Variants in ACTR3 observed in about 807,000 individuals in gnomAD.
The protein encoded by ACTR3 is actin-related protein 3.
ACTR3 carries 12 observed loss-of-function variants against 56.8 expected under a neutral mutation model. The observed-to-expected ratio is 0.21, with a 90% CI of 0.14 to 0.34. The LOEUF (loss-of-function observed/expected upper bound fraction) is 0.34, where lower values mean the gene tolerates loss of function less well. ACTR3 is among the 10% of genes least tolerant of loss of function. The probability of loss-of-function intolerance (pLI) is 1.00; values close to 1 mark genes in which losing one functional copy is unlikely to be tolerated. For missense variants in ACTR3, 282 were observed against 512.5 expected, an observed-to-expected ratio of 0.55 and a Z score of 4.34; for synonymous variants, 162 against 167.4, an observed-to-expected ratio of 0.97 and a Z score of 0.25.
At chr2:113,902,532 C>A (rs1257405694) in intron 1 of ACTR3, among the ~76,000 whole-genome samples, 2 of 151,890 alleles carry the variant, frequency 1.3e-5, no homozygotes, top group Non-Finnish European at 2.9e-5. Flanking sequence ...TTCATTACTG[C>A]CATAGTAAGA....
intron 1 of ACTR3, among the ~76,000 whole-genome samples, chr2:113,910,249 A>G (rs959180126): frequency 4.0e-5 from 6 of 150,634 alleles, no homozygotes; most frequent in Non-Finnish European, 7.4e-5. Flanking sequence ...TAAAAACCCA[A>G]AGGACAGAGT....
rs1257196170 is a variant in ACTR3 at position 113,959,487 on chromosome 2, A to T, written c.*2032A>T. ...TTTGATGACAATCTCAGGCATATTTATACAGAGATGTTCTTAACTGTTTGC... is the reference window on the plus strand; with the variant it reads ...TTTGATGACAATCTCAGGCATATTTTTACAGAGATGTTCTTAACTGTTTGC... On this transcript the variant is annotated 3_prime_UTR_variant, in exon 12 of 12. Coordinates refer to ENST00000263238, the MANE Select transcript of ACTR3 (RefSeq NM_005721.5). 1 of 152,080 alleles carries T rather than the reference A, an allele frequency of 6.6e-6. No homozygotes were observed. Among genetic ancestry groups the T allele is most frequent in the African/African-American group, 2.4e-5 (1 of 41,438 alleles). The allele number at this position is 152,080 out of a possible 1,614,324, so 9.4% of individuals were successfully genotyped here.
At chr2:113,907,367 C>T (rs1679215206) in intron 1 of ACTR3, among the ~76,000 whole-genome samples, 1 of 152,164 alleles carries the variant, frequency 6.6e-6, no homozygotes. Context: ...AGTCATCCTC[C>T]CTGCCTCCCA....
chr2:113,890,671 C>T (rs1412947365), intron 1 of ACTR3: 3 of 1,179,282 alleles, frequency 2.5e-6, no homozygotes, highest in African/African-American at 3.2e-5. Context: ...CCCGACCCAT[C>T]CGGCTTTCCT....
chr2:113,949,007 AGTAT>A (rs1680070944), intron 8 of ACTR3, among the ~76,000 whole-genome samples: 1 of 68,870 alleles, frequency 1.5e-5, no homozygotes, highest in Non-Finnish European at 2.4e-5. Context: ...ATTTTGTATT[AGTAT>A]GTGTCACTTT....
chr2:113,894,638 T>C (rs1000960036), intron 1 of ACTR3, among the ~76,000 whole-genome samples: 4 of 152,234 alleles, frequency 2.6e-5, no homozygotes, highest in Non-Finnish European at 5.9e-5. Context: ...AAATACTATA[T>C]TGCGGTGAAC....
chr2:113,891,032 T>G (rs1678884213), intron 1 of ACTR3, among the ~76,000 whole-genome samples: 1 of 152,204 alleles, frequency 6.6e-6, no homozygotes, highest in South Asian at 2.1e-4. Context: ...GCAAGCGCGC[T>G]GCAACTTCCT....
intron 3 of ACTR3, among the ~76,000 whole-genome samples, chr2:113,919,222 A>T (rs1052937189): frequency 6.6e-6 from 1 of 152,176 alleles, no homozygotes; most frequent in Non-Finnish European, 1.5e-5. Flanking sequence ...TCTTTATCTG[A>T]TATCTAGTCA....
chr2:113,953,415 A>C (rs1680154631), intron 10 of ACTR3: 1 of 152,140 alleles, frequency 6.6e-6, no homozygotes, highest in South Asian at 2.1e-4. Flanking sequence ...ATTTCCTTTG[A>C]ACATCATGTT....
In ACTR3 at chr2:113,957,523, T is replaced by A; in HGVS notation, c.*68T>A. 7.7e-7 allele frequency: 1 copy of A among 1,301,960 alleles called. No individual in the cohort carries two copies. The highest frequency in any genetic ancestry group is 1.2e-5 in the South Asian group (1 of 84,004). The allele number at this position is 1,301,960 out of a possible 1,614,324, so 80.7% of individuals were successfully genotyped here. A position where few individuals can be genotyped will look rare whatever the true frequency, so the allele number is the denominator to read the frequency against. ...ATAATCTTTCTGATTACCTGTTTTG[T>A]CTGGATGGCTGGTTTTGAGGTTTTA... On this transcript the variant is annotated 3_prime_UTR_variant, in exon 12 of 12. Transcript: ENST00000263238.
chr2:113,900,117 C>G (rs1189979645), intron 1 of ACTR3, among the ~76,000 whole-genome samples: 1 of 151,772 alleles, frequency 6.6e-6, no homozygotes, highest in Non-Finnish European at 1.5e-5. Flanking sequence ...AAAGTTTACT[C>G]TTTTAAAGTG....
intron 2 of ACTR3, among the ~76,000 whole-genome samples, chr2:113,914,302 T>C (rs1679362389): frequency 6.6e-6 from 1 of 152,134 alleles, no homozygotes; most frequent in Admixed American, 6.5e-5. Flanking sequence ...CAAAATTAAG[T>C]GTGTGGCATT....
chr2:113,940,819 G>GT (rs1679911441), intron 7 of ACTR3, among the ~76,000 whole-genome samples: 2 of 134,636 alleles, frequency 1.5e-5, no homozygotes, highest in African/African-American at 3.0e-5. Context: ...TATTTTTATT[G>GT]ATTTTTTTTT....
intron 10 of ACTR3, 103 bp downstream of exon 10, chr2:113,951,948 C>G: frequency 1.4e-6 from 2 of 1,419,910 alleles, no homozygotes; most frequent in Non-Finnish European, 1.9e-6. Context: ...ATAAGAGGAA[C>G]CTGTCAGGTA....
At position 113,959,122 on chromosome 2, in the gene ACTR3, T is replaced by C. The variant is rs1680277313; in HGVS notation, c.*1667T>C. 6.6e-6 allele frequency: 1 copy of C among 151,746 alleles called. No individual in the cohort carries two copies. The highest frequency in any genetic ancestry group is 2.4e-5 in the African/African-American group (1 of 41,348). 9.4% of individuals were successfully genotyped at this position (151,746 alleles called of 1,614,324 possible). A position where few individuals can be genotyped will look rare whatever the true frequency, so the allele number is the denominator to read the frequency against. On this transcript the variant is annotated 3_prime_UTR_variant, in exon 12 of 12. Coordinates refer to ENST00000263238, the MANE Select transcript of ACTR3 (RefSeq NM_005721.5). ...ATACTATTCAAACAGTACCAAAGAG[T>C]AGATTAGCAAAAGTAAGTTTTTTTC...
chr2:113,930,822 A>T (rs946579232), intron 4 of ACTR3, among the ~76,000 whole-genome samples: 12 of 152,348 alleles, frequency 7.9e-5, no homozygotes, highest in African/African-American at 2.4e-4. Flanking sequence ...AGAAAGCTGT[A>T]CCATTAGATC....
chr2:113,936,575 T>C (rs1679831392), intron 6 of ACTR3, among the ~76,000 whole-genome samples: 1 of 152,242 alleles, frequency 6.6e-6, no homozygotes, highest in Non-Finnish European at 1.5e-5. Context: ...TTTGACCTTC[T>C]AGTCTTTGTT....
intron 8 of ACTR3, among the ~76,000 whole-genome samples, chr2:113,948,118 T>G (rs898239111): frequency 1.3e-5 from 2 of 152,308 alleles, no homozygotes; most frequent in African/African-American, 4.8e-5. Flanking sequence ...AGCTATGAAT[T>G]GCTTGGTTAT....
intron 6 of ACTR3, 97 bp downstream of exon 6, chr2:113,934,483 G>A: frequency 1.3e-6 from 1 of 793,504 alleles, no homozygotes; most frequent in Non-Finnish European, 1.9e-6. Context: ...AACTTTAAAT[G>A]CTGCACTATA....
Sources: allele counts gnomAD v4.1 joint callset (sites outside exome capture counted in the v4.1 genomes callset), GRCh38; gene constraint gnomAD v4.1.1; transcripts MANE v1.5; gene names NCBI Gene and HGNC (gene_info 2026-07-23, HGNC 2026-07-21).